KIAA1328: variants seen among roughly 807,000 people sequenced by gnomAD.
KIAA1328 encodes the protein protein hinderin.
KIAA1328 carries 52 observed loss-of-function variants against 68.1 expected under a neutral mutation model. The ratio of observed to expected loss-of-function variants is 0.76; its 90% CI spans 0.61 to 0.96. KIAA1328 has a LOEUF of 0.96. Ranked by LOEUF, KIAA1328 falls within the 40% of genes least tolerant of loss-of-function variation. The probability of loss-of-function intolerance (pLI) is 0.00; values close to 1 mark genes in which losing one functional copy is unlikely to be tolerated. For missense variants in KIAA1328, 641 were observed against 677.6 expected (o/e 0.95, Z 0.60); for synonymous variants, 232 against 239.4 (o/e 0.97, Z 0.28).
chr18:37,092,760 G>A (rs2057301459), intron 7 of KIAA1328, among the ~76,000 whole-genome samples: 1 of 152,138 alleles, frequency 6.6e-6, no homozygotes, highest in African/African-American at 2.4e-5. Context: ...ACAACACTTA[G>A]GGGCCTGAGG....
intron 9 of KIAA1328, among the ~76,000 whole-genome samples, chr18:37,197,290 TA>T (rs1327645234): frequency 6.6e-6 from 1 of 152,144 alleles, no homozygotes; most frequent in East Asian, 1.9e-4. Flanking sequence ...TGTTGATCTT[TA>T]AAAATTTTTT....
At chr18:36,907,689 A>T (rs2070004228) in intron 5 of KIAA1328, among the ~76,000 whole-genome samples, 1 of 152,164 alleles carries the variant, frequency 6.6e-6, no homozygotes, top group Admixed American at 6.6e-5. Flanking sequence ...ATTTTTGCTT[A>T]ATGAGAGACA....
intron 1 of KIAA1328, chr18:36,833,231 A>C (rs529431132): frequency 6.6e-6 from 1 of 152,266 alleles, no homozygotes; most frequent in Admixed American, 6.5e-5. Flanking sequence ...GGGAAGAGAG[A>C]GTTTTGCAAT....
At position 36,941,487 on chromosome 18, in the gene KIAA1328, C is replaced by T. The variant is rs187476543; in HGVS notation, c.449-17821C>T. Among the ~76,000 whole-genome samples, 108 of 152,132 alleles carry T rather than the reference C, an allele frequency of 7.1e-4. No individual in the cohort carries two copies. The East Asian group carries it at 0.018, about 25-fold the overall frequency. On this transcript the variant is annotated intron_variant, in intron 5 of 9. Transcript: ENST00000280020. ...GTGGATGCCTGCAATCCCAGCTACT[C>T]GGGAGGCTGAGGCAGGAGAATCACT...
At chr18:37,100,931 A>C (rs1599268343) in intron 7 of KIAA1328, among the ~76,000 whole-genome samples, 2 of 152,316 alleles carry the variant, frequency 1.3e-5, no homozygotes, top group African/African-American at 4.8e-5. Flanking sequence ...GACCTCTAGT[A>C]AACTCCAACA....
intron 8 of KIAA1328, among the ~76,000 whole-genome samples, chr18:37,169,612 A>G (rs2059461279): frequency 6.6e-6 from 1 of 152,220 alleles, no homozygotes; most frequent in Admixed American, 6.5e-5. Flanking sequence ...ATATTAAATA[A>G]AATTTATAAA....
chr18:36,998,663 C>T (rs540116143), intron 6 of KIAA1328, among the ~76,000 whole-genome samples: 25 of 152,258 alleles, frequency 1.6e-4, no homozygotes, highest in African/African-American at 4.6e-4. Flanking sequence ...AAATCAGATA[C>T]CACTAACACC....
Position 37,024,611 on chromosome 18 carries a change from A to G in KIAA1328, c.577-42279A>G, listed in dbSNP as rs532268640. Among the ~76,000 whole-genome samples, 165 of 145,626 alleles carry G rather than the reference A, an allele frequency of 1.1e-3. 1 individual carries two copies. The highest frequency in any genetic ancestry group is 3.7e-3 in the African/African-American group (147 of 39,220). ...TCTTATTGTTCAATTCCCATCTATG[A>G]GTGAGAACATGCGGTGTTTGGTTTT... is the stretch of plus-strand genomic sequence containing the variant. On this transcript the variant is annotated intron_variant, in intron 6 of 9. Coordinates refer to ENST00000280020, the MANE Select transcript of KIAA1328 (RefSeq NM_020776.3).
At chr18:36,939,098 G>A (rs543770587) in intron 5 of KIAA1328, among the ~76,000 whole-genome samples, 1 of 152,036 alleles carries the variant, frequency 6.6e-6, no homozygotes, top group Admixed American at 6.6e-5. Context: ...CAGATTTGGG[G>A]TGTTGTTTTT....
At chr18:37,046,077 C>T (rs1568333076) in intron 6 of KIAA1328, among the ~76,000 whole-genome samples, 1 of 152,196 alleles carries the variant, frequency 6.6e-6, no homozygotes, top group Non-Finnish European at 1.5e-5. Flanking sequence ...ATGTTTTACA[C>T]CTGAACTGAC....
chr18:36,831,821 G>A (rs760928080), intron 1 of KIAA1328, among the ~76,000 whole-genome samples: 43 of 152,218 alleles, frequency 2.8e-4, no homozygotes, highest in South Asian at 2.1e-3. Context: ...AATCCTGGAG[G>A]TCTGGGATAG....
At chr18:36,962,023 T>C (rs1339917241) in intron 6 of KIAA1328, among the ~76,000 whole-genome samples, 1 of 152,182 alleles carries the variant, frequency 6.6e-6, no homozygotes, top group Non-Finnish European at 1.5e-5. Flanking sequence ...GACTGGCAAA[T>C]TGGATAAAGA....
intron 6 of KIAA1328, among the ~76,000 whole-genome samples, chr18:36,960,037 G>C (rs1272958836): frequency 6.6e-6 from 1 of 152,110 alleles, no homozygotes; most frequent in East Asian, 1.9e-4. Context: ...TCTGGTTGGG[G>C]GATTTCCGTT....
chr18:37,140,536 A>G (rs2058744432), intron 7 of KIAA1328, among the ~76,000 whole-genome samples: 1 of 152,110 alleles, frequency 6.6e-6, no homozygotes, highest in Non-Finnish European at 1.5e-5. Context: ...AAACTTCAAG[A>G]ACTGAGAATG....
intron 9 of KIAA1328, among the ~76,000 whole-genome samples, chr18:37,185,256 G>T (rs1365430334): frequency 6.6e-6 from 1 of 152,158 alleles, no homozygotes; most frequent in Non-Finnish European, 1.5e-5. Flanking sequence ...AATTCCGTAG[G>T]AAGCACCACC....
chr18:37,192,099 G>T (rs2059915880), intron 9 of KIAA1328, among the ~76,000 whole-genome samples: 2 of 151,796 alleles, frequency 1.3e-5, no homozygotes, highest in African/African-American at 4.8e-5. Context: ...CACTGAAACA[G>T]CCCTGAACAT....
chr18:36,898,089 T>C (rs2048923003), intron 5 of KIAA1328, among the ~76,000 whole-genome samples: 1 of 152,002 alleles, frequency 6.6e-6, no homozygotes, highest in Admixed American at 6.6e-5. Context: ...TATGAAAATA[T>C]AAAGATGATA....
intron 7 of KIAA1328, among the ~76,000 whole-genome samples, chr18:37,143,897 A>G (rs1238532491): frequency 6.6e-6 from 1 of 152,108 alleles, no homozygotes; most frequent in African/African-American, 2.4e-5. Context: ...ATATGGTACC[A>G]TTTTATATTA....
chr18:37,036,095 A>ACCCG (rs1328003921), intron 6 of KIAA1328, among the ~76,000 whole-genome samples: 1 of 152,200 alleles, frequency 6.6e-6, no homozygotes, highest in Non-Finnish European at 1.5e-5. Context: ...CTGTTGTCCC[A>ACCCG]GTAATGGCCA....
Sources: gnomAD v4.1 joint callset for allele counts (sites outside exome capture counted in the v4.1 genomes callset) on GRCh38, gnomAD v4.1.1 for gene constraint, MANE v1.5 for transcripts, NCBI Gene and HGNC (gene_info 2026-07-23, HGNC 2026-07-21) for gene names.